Variants in PPP1R26 observed in about 807,000 individuals in gnomAD.
PPP1R26 encodes the protein protein phosphatase 1 regulatory subunit 26, also known as 1A6/DRIM (down-regulated in metastasis) interacting protein.
A neutral mutation model predicts 67.6 loss-of-function variants in PPP1R26; 22 were observed. That is an observed-to-expected ratio of 0.33 (90% CI 0.23 to 0.46). PPP1R26 has a LOEUF of 0.46. Ranked by LOEUF, PPP1R26 falls within the 20% of genes least tolerant of loss-of-function variation. The pLI, the probability that PPP1R26 is intolerant of heterozygous loss-of-function variation, is 1.00. For missense variants in PPP1R26, 1,602 were observed against 1,651.4 expected, an observed-to-expected ratio of 0.97 and a Z score of 0.52; for synonymous variants, 729 against 717.2, an observed-to-expected ratio of 1.02 and a Z score of -0.26.
chr9:135,488,018 C>T lies in PPP1R26; in HGVS notation c.3508C>T (p.Leu1170=). The part of the protein sequence containing the change: ...SSGSEESILD[L]RYRRRVNRDD... ...GGGCTCGGAGGAAAGCATTTTAGAC[C>T]TGAGGTATCGACGAAGGGTCAACAG... The change falls in exon 4 of 4, where the codon CTG becomes TTG. Residue 1170 remains leucine, a synonymous_variant. Transcript: ENST00000356818. 1.2e-6 allele frequency: 2 copies of T among 1,611,788 alleles called. No individual in the cohort carries two copies. Among genetic ancestry groups the T allele is most frequent in the Non-Finnish European group, 1.7e-6 (2 of 1,179,118 alleles).
At chr9:135,482,264 C>T (rs967625137) in intron 1 of PPP1R26, among the ~76,000 whole-genome samples, 1 of 152,212 alleles carries the variant, frequency 6.6e-6, no homozygotes, top group African/African-American at 2.4e-5. Flanking sequence ...TACAGTAAGG[C>T]AGGCGTGGGT....
In PPP1R26 at chr9:135,486,146, G is replaced by T; in HGVS notation, c.1636G>T (p.Ala546Ser). The part of the protein sequence containing the change: ...QEIRTFLALK[A>S]QSGSLLARGE... Reference sequence around the variant, plus strand: ...AATCCGGACATTTTTGGCCCTAAAGGCGCAGTCAGGGAGTTTGCTGGCCAG... The same window carrying T: ...AATCCGGACATTTTTGGCCCTAAAGTCGCAGTCAGGGAGTTTGCTGGCCAG... The change falls in exon 4 of 4, where the codon GCG becomes TCG. Residue 546 changes from alanine (A) to serine (S), a missense_variant. Physicochemically the swap from Ala to Ser is moderately conservative, Grantham distance 99. Around this residue, in one of 5 missense-constraint regions of PPP1R26, gnomAD observed 680 missense variants for 726.1 expected, o/e 0.94. Coordinates refer to ENST00000356818, the MANE Select transcript of PPP1R26 (RefSeq NM_014811.5). The surrounding 1 kb of genome is among the most constrained non-coding windows in gnomAD (Gnocchi z 6.2). The T allele has an allele frequency of 6.2e-7, 1 of 1,613,020 alleles. No homozygotes were observed. The highest frequency in any genetic ancestry group is 8.5e-7 in the Non-Finnish European group (1 of 1,180,034).
chr9:135,484,633 G>T lies in PPP1R26; in HGVS notation c.123G>T (p.Ala41=), dbSNP rs368903595. ...AGGCTGACGAGGGCGTGGAGAGCGC[G>T]TCGGTGAGCGCCCGGGTGCAGATGC... ...FSEADEGVES[A]SVSARVQMLI... The change falls in exon 4 of 4, where the codon GCG becomes GCT. Residue 41 remains alanine, a synonymous_variant. Transcript: ENST00000356818. The T allele has an allele frequency of 2.5e-6, 4 of 1,611,678 alleles. 1 individual carries two copies. The highest frequency in any genetic ancestry group is 1.7e-6 in the Non-Finnish European group (2 of 1,179,998).
intron 2 of PPP1R26, chr9:135,483,649 G>C (rs1830602219): frequency 4.5e-6 from 1 of 223,244 alleles, no homozygotes; most frequent in Non-Finnish European, 8.6e-6. Flanking sequence ...CCTCCCTGCA[G>C]TGGCAATCCC....
At chr9:135,479,438 C>A (rs1232698910), upstream of PPP1R26, among the ~76,000 whole-genome samples, 1 of 151,252 alleles carries the variant, frequency 6.6e-6, no homozygotes, top group East Asian at 1.9e-4. The surrounding 1 kb of genome is among the most constrained non-coding windows in gnomAD (Gnocchi z 5.9). Flanking sequence ...CGACCCCGCG[C>A]CCCCTGCGCG....
In PPP1R26 at chr9:135,486,303, G is replaced by A. The variant is rs765962154; in HGVS notation, c.1793G>A (p.Gly598Asp). The A allele has an allele frequency of 1.2e-6, 2 of 1,612,982 alleles. No homozygotes were observed. Among genetic ancestry groups the A allele is most frequent in the South Asian group, 1.1e-5 (1 of 91,084 alleles). Residue 598 changes from glycine to aspartate, a missense_variant, in exon 4 of 4, where the codon GGT becomes GAT. This residue lies in a region of PPP1R26 where 680 missense variants were observed against 726.1 expected (regional missense o/e 0.94). Coordinates refer to ENST00000356818, the MANE Select transcript of PPP1R26 (RefSeq NM_014811.5). This position sits in a 1 kb window ranked among gnomAD's most constrained non-coding sequence, Gnocchi z 6.2. ...PLLGCKRKRR[G>D]GGHVRPSTPK... ...CTGGGCTGCAAAAGGAAGCGTAGAG[G>A]TGGTGGCCATGTGAGGCCATCCACG... is the stretch of plus-strand genomic sequence containing the variant.
At position 135,486,689 on chromosome 9, in the gene PPP1R26, G is replaced by T. The variant is rs767390657; in HGVS notation, c.2179G>T (p.Ala727Ser). Residue 727 changes from alanine to serine, a missense_variant, in exon 4 of 4, where the codon GCC becomes TCC. Ala to Ser is a moderately conservative substitution (Grantham distance 99). Coordinates refer to ENST00000356818, the MANE Select transcript of PPP1R26 (RefSeq NM_014811.5). The surrounding 1 kb of genome is among the most constrained non-coding windows in gnomAD (Gnocchi z 6.2). ...CAGGAAGAAGGTCAGGTTCAGCACAGCCCAGACGCACTTCTTGGAGCAGCT... is the reference window on the plus strand; with the variant it reads ...CAGGAAGAAGGTCAGGTTCAGCACATCCCAGACGCACTTCTTGGAGCAGCT... Reference protein sequence around the residue: ...ACRKKVRFSTAQTHFLEQLGG... With the variant: ...ACRKKVRFSTSQTHFLEQLGG... 4 of 1,600,860 alleles carry T rather than the reference G, an allele frequency of 2.5e-6. No individual in the cohort carries two copies. The highest frequency in any genetic ancestry group is 2.2e-5 in the East Asian group (1 of 44,462).
chr9:135,484,793 G>A lies in PPP1R26; in HGVS notation c.283G>A (p.Ala95Thr), dbSNP rs533250185. ...AKPTVHKEPPALAVCGLVADF... is the reference protein window; with the variant it reads ...AKPTVHKEPPTLAVCGLVADF... ...GCCCACCGTGCACAAGGAGCCACCC[G>A]CGTTGGCTGTCTGTGGTCTCGTTGC... Residue 95 changes from alanine to threonine, a missense_variant, in exon 4 of 4, where the codon GCG becomes ACG. Transcript: ENST00000356818. The A allele has an allele frequency of 5.2e-5, 84 of 1,611,262 alleles. No homozygotes were observed. The highest frequency in any genetic ancestry group is 2.5e-4 in the South Asian group (23 of 90,982).
Position 135,484,085 on chromosome 9 carries a change from A to T in PPP1R26, c.-63+3A>T. The T allele has an allele frequency of 2.5e-6, 1 of 407,786 alleles. No homozygotes were observed. The highest frequency in any genetic ancestry group is 4.3e-6 in the Non-Finnish European group (1 of 231,288). 25.3% of individuals were successfully genotyped at this position (407,786 alleles called of 1,614,324 possible). On this transcript the variant is annotated splice_donor_region_variant and intron_variant, in intron 3 of 3. Coordinates refer to ENST00000356818, the MANE Select transcript of PPP1R26 (RefSeq NM_014811.5). ...GGTACCGCTTGCCAACTTTGGAGGT[A>T]AATAAAACCTCTCCCCTCTTACAGA... is the stretch of plus-strand genomic sequence containing the variant.
In PPP1R26 at chr9:135,487,123, A is replaced by G; in HGVS notation, c.2613A>G (p.Pro871=). Residue 871 remains proline, a synonymous_variant, in exon 4 of 4, where the codon CCA becomes CCG. Coordinates refer to ENST00000356818, the MANE Select transcript of PPP1R26 (RefSeq NM_014811.5). Reference sequence around the variant, plus strand: ...CCACCGCTCTTGGGACAGGGGGCCCAGCCAGGCCAGAGGTGCTGTGCAGGA... The same window carrying G: ...CCACCGCTCTTGGGACAGGGGGCCCGGCCAGGCCAGAGGTGCTGTGCAGGA... The part of the protein sequence containing the change: ...EGPTALGTGG[P]ARPEVLCRKE... 2.5e-6 allele frequency: 4 copies of G among 1,609,638 alleles called. No individual in the cohort carries two copies. The South Asian group carries it at 4.4e-5, about 18-fold the overall frequency.
In PPP1R26 at chr9:135,482,671, T is replaced by C. The variant is rs1188664945; in HGVS notation, c.-328-12T>C. 1 of 398,448 alleles carries C rather than the reference T, an allele frequency of 2.5e-6. No homozygotes were observed. Among genetic ancestry groups the C allele is most frequent in the African/African-American group, 2.1e-5 (1 of 48,618 alleles). The allele number at this position is 398,448 out of a possible 1,614,324, so 24.7% of individuals were successfully genotyped here. On this transcript the variant is annotated splice_polypyrimidine_tract_variant and intron_variant, in intron 1 of 3. Coordinates refer to ENST00000356818, the MANE Select transcript of PPP1R26 (RefSeq NM_014811.5). ...GTAATTAGATGCCTCTGATTCTCTT[T>C]GATTCTGGTAGTCAAAAGTCTATTG...
Position 135,484,093 on chromosome 9 carries a change from C to T in PPP1R26, c.-63+11C>T. ...TTGCCAACTTTGGAGGTAAATAAAA[C>T]CTCTCCCCTCTTACAGAGAAGGTGG... On this transcript the variant is annotated intron_variant, in intron 3 of 3. Coordinates refer to ENST00000356818, the MANE Select transcript of PPP1R26 (RefSeq NM_014811.5). The T allele has an allele frequency of 2.4e-6, 1 of 409,498 alleles. No individual in the cohort carries two copies. Among genetic ancestry groups the T allele is most frequent in the East Asian group, 3.5e-5 (1 of 28,418 alleles). 25.4% of individuals were successfully genotyped at this position (409,498 alleles called of 1,614,324 possible).
At position 135,487,284 on chromosome 9, in the gene PPP1R26, A is replaced by G. The variant is rs760630888; in HGVS notation, c.2774A>G (p.Lys925Arg). ...GCTGGTCTGTTCAGCCAGGGCGGGA[A>G]GGGGCTCCCTGCTGCTCCTGCCCGA... is the stretch of plus-strand genomic sequence containing the variant. The part of the protein sequence containing the change: ...GTAGLFSQGG[K>R]GLPAAPARGD... Residue 925 changes from lysine (K) to arginine (R), a missense_variant, in exon 4 of 4, where the codon AAG becomes AGG. Coordinates refer to ENST00000356818, the MANE Select transcript of PPP1R26 (RefSeq NM_014811.5). The G allele has an allele frequency of 6.4e-7, 1 of 1,556,742 alleles. No individual in the cohort carries two copies. Among genetic ancestry groups the G allele is most frequent in the South Asian group, 1.2e-5 (1 of 81,788 alleles).
At chr9:135,482,302 G>A (rs1408845147) in intron 1 of PPP1R26, among the ~76,000 whole-genome samples, 3 of 152,172 alleles carry the variant, frequency 2.0e-5, no homozygotes, top group African/African-American at 7.2e-5. Context: ...AGCTCCTCTC[G>A]CATTGTTGGT....
chr9:135,484,324 T>C, intron 3 of PPP1R26, 125 bp from the exon 4 acceptor site: 2 of 605,138 alleles, frequency 3.3e-6, no homozygotes, highest in Non-Finnish European at 5.7e-6. Context: ...TAGCTGGACG[T>C]TGGGCTCCAC....
chr9:135,485,484 G>T lies in PPP1R26; in HGVS notation c.974G>T (p.Cys325Phe). Residue 325 changes from cysteine to phenylalanine, a missense_variant, in exon 4 of 4, where the codon TGC becomes TTC. Transcript: ENST00000356818. This position sits in a 1 kb window ranked among gnomAD's most constrained non-coding sequence, Gnocchi z 7.2. ...NEGSTKPATPCRPSEAAQNKG... is the reference protein window; with the variant it reads ...NEGSTKPATPFRPSEAAQNKG... ...GGCAGCACGAAGCCGGCAACCCCCT[G>T]CCGCCCTTCAGAAGCAGCACAGAAT... 1 of 1,613,094 alleles carries T rather than the reference G, an allele frequency of 6.2e-7. No individual in the cohort carries two copies. The highest frequency in any genetic ancestry group is 8.5e-7 in the Non-Finnish European group (1 of 1,180,000).
At position 135,486,138 on chromosome 9, in the gene PPP1R26, C is replaced by T; in HGVS notation, c.1628C>T (p.Ala543Val). The T allele has an allele frequency of 1.2e-6, 2 of 1,612,976 alleles. No homozygotes were observed. The highest frequency in any genetic ancestry group is 1.7e-6 in the Non-Finnish European group (2 of 1,180,038). Residue 543 changes from alanine (A) to valine (V), a missense_variant, in exon 4 of 4, where the codon GCC becomes GTC. Ala to Val is a moderately conservative substitution (Grantham distance 64). Transcript: ENST00000356818. The surrounding 1 kb of genome is among the most constrained non-coding windows in gnomAD (Gnocchi z 6.2). ...SIEQEIRTFL[A>V]LKAQSGSLLA... Reference sequence around the variant, plus strand: ...GAGCAGGAAATCCGGACATTTTTGGCCCTAAAGGCGCAGTCAGGGAGTTTG... The same window carrying T: ...GAGCAGGAAATCCGGACATTTTTGGTCCTAAAGGCGCAGTCAGGGAGTTTG...
chr9:135,487,894 T>C lies in PPP1R26; in HGVS notation c.3384T>C (p.Pro1128=). The change falls in exon 4 of 4, where the codon CCT becomes CCC. Residue 1128 remains proline, a synonymous_variant. Coordinates refer to ENST00000356818, the MANE Select transcript of PPP1R26 (RefSeq NM_014811.5). ...GGGAGGCCCAGGCCGGACCCAGCCC[T>C]GTCTTTGGAAGCCCACACTTGCTGG... ...AFREAQAGPS[P]VFGSPHLLAK... is the part of the protein sequence containing the mutation. 1 of 1,576,136 alleles carries C rather than the reference T, an allele frequency of 6.3e-7. No individual in the cohort carries two copies. The highest frequency in any genetic ancestry group is 1.2e-5 in the South Asian group (1 of 85,666).
Position 135,484,313 on chromosome 9 carries a change from C to T in PPP1R26, c.-62-136C>T, listed in dbSNP as rs1360974225. ...GAGTAAGTCGTGCAAGGACACCCAG[C>T]TAGCTGGACGTTGGGCTCCACCCAA... On this transcript the variant is annotated intron_variant, in intron 3 of 3. Coordinates refer to ENST00000356818, the MANE Select transcript of PPP1R26 (RefSeq NM_014811.5). 5.1e-6 allele frequency: 3 copies of T among 590,060 alleles called. No individual in the cohort carries two copies. The African/African-American group carries it at 5.6e-5, about 11-fold the overall frequency. 36.6% of individuals were successfully genotyped at this position (590,060 alleles called of 1,614,324 possible). A position where few individuals can be genotyped will look rare whatever the true frequency, so the allele number is the denominator to read the frequency against.
Sources: gnomAD v4.1 joint callset for allele counts (sites outside exome capture counted in the v4.1 genomes callset) on GRCh38, gnomAD v4.1.1 for gene constraint, gnomAD v4.1.1 regional missense constraint, Gnocchi (gnomAD v3.1) non-coding constraint, MANE v1.5 for transcripts, NCBI Gene and HGNC (gene_info 2026-07-23, HGNC 2026-07-21) for gene names.